The following DMBT1 variants were observed in gnomAD, a reference collection of about 807,000 sequenced individuals.
DMBT1 encodes scavenger receptor cysteine-rich domain-containing protein DMBT1.
Under a neutral mutation model 252.9 loss-of-function variants are expected in DMBT1, and 198 were observed. The ratio of observed to expected loss-of-function variants is 0.78; its 90% CI spans 0.70 to 0.88. The LOEUF (loss-of-function observed/expected upper bound fraction) is 0.88, where lower values mean the gene tolerates loss of function less well. DMBT1 is among the 40% of genes least tolerant of loss of function. The probability of loss-of-function intolerance (pLI) is 0.00; values close to 1 mark genes in which losing one functional copy is unlikely to be tolerated. For missense variants in DMBT1, 2,432 were observed against 2,404.7 expected (o/e 1.01, Z -0.24); for synonymous variants, 990 against 942.7 (o/e 1.05, Z -0.92).
intron 8 of DMBT1, among the ~76,000 whole-genome samples, chr10:122,578,070 C>T (rs556239455): frequency 6.6e-6 from 1 of 152,326 alleles, no homozygotes; most frequent in Non-Finnish European, 1.5e-5. Context: ...CATGCTGTCC[C>T]AATGAACAAC....
intron 1 of DMBT1, among the ~76,000 whole-genome samples, chr10:122,563,915 C>T (rs907359763): frequency 6.6e-6 from 1 of 152,098 alleles, no homozygotes; most frequent in Non-Finnish European, 1.5e-5. Context: ...GTTTAAATGG[C>T]CGAGTTTTGA....
In DMBT1 at chr10:122,637,234, C is replaced by T. The variant is rs1424789564; in HGVS notation, c.6864C>T (p.Tyr2288=). 5.0e-6 allele frequency: 8 copies of T among 1,613,912 alleles called. No homozygotes were observed. Among genetic ancestry groups the T allele is most frequent in the African/African-American group, 2.7e-5 (2 of 74,932 alleles). Residue 2288 remains tyrosine (Y), a synonymous_variant, in exon 54 of 56, where the codon TAC becomes TAT. Transcript: ENST00000338354. The part of the protein sequence containing the change: ...SDLVISTWNG[Y]YECRPQITPN... ...TTGTCATTTCCACCTGGAATGGATA[C>T]TACGAGTGTCGGCCCCAGATAACGC...
chr10:122,643,368 C>A lies in DMBT1; in HGVS notation c.7599C>A (p.Thr2533=). The change falls in exon 56 of 56, where the codon ACC becomes ACA. Residue 2533 remains threonine (T), a synonymous_variant. Transcript: ENST00000338354. ...TCCTGGGTCCCATCCAGCTGCAGAC[C>A]CCCCCACGCCGAGAAGAGGAGCCTC... ...DVVLGPIQLQ[T]PPRREEEPR The A allele has an allele frequency of 1.2e-6, 2 of 1,613,686 alleles. No homozygotes were observed. The highest frequency in any genetic ancestry group is 1.7e-6 in the Non-Finnish European group (2 of 1,179,758).
At chr10:122,631,648 TAATCCTGATGACCACAAGTATGACGGG>T (rs1277397762) in intron 49 of DMBT1, among the ~76,000 whole-genome samples, 180 bp from the exon 50 acceptor site, 1 of 152,128 alleles carries the variant, frequency 6.6e-6, no homozygotes, top group East Asian at 1.9e-4. Flanking sequence ...ACCTCAGCTG[TAATCCTGATGACCACAAGTATGACGGG>T]ACTTAGGGAG....
At position 122,629,821 on chromosome 10, in the gene DMBT1, T is replaced by C; in HGVS notation, c.5669-19T>C. On this transcript the variant is annotated intron_variant, in intron 46 of 55. Transcript: ENST00000338354. ...CTGAAGACCTGGTACAATGGAGATGTCCCCTCTCTCCTCTCTAGGACCCTC... is the reference window on the plus strand; with the variant it reads ...CTGAAGACCTGGTACAATGGAGATGCCCCCTCTCTCCTCTCTAGGACCCTC... 1.9e-6 allele frequency: 3 copies of C among 1,611,684 alleles called. No individual in the cohort carries two copies. The South Asian group carries it at 3.3e-5, about 18-fold the overall frequency.
chr10:122,640,735 GC>G (rs1844371831), intron 55 of DMBT1, among the ~76,000 whole-genome samples: 1 of 152,178 alleles, frequency 6.6e-6, no homozygotes, highest in South Asian at 2.1e-4. Flanking sequence ...GAACAGCTCA[GC>G]AGTGTTCACT....
At chr10:122,566,310 TTC>T (rs1186443327) in intron 2 of DMBT1, among the ~76,000 whole-genome samples, 1 of 93,848 alleles carries the variant, frequency 1.1e-5, no homozygotes, top group Admixed American at 1.3e-4. Context: ...TTCTTTTTTT[TTC>T]TTTTTCTTTT....
At chr10:122,640,505 A>C in intron 55 of DMBT1, 56 bp downstream of exon 55, 1 of 1,533,578 alleles carries the variant, frequency 6.5e-7, no homozygotes, top group Non-Finnish European at 8.7e-7. Context: ...CTCAAACATG[A>C]GTAGCCCCAA....
chr10:122,597,138 TTC>T (rs2097889399), intron 24 of DMBT1, 84 bp downstream of exon 24: 1 of 237,824 alleles, frequency 4.2e-6, no homozygotes, highest in South Asian at 1.9e-4. Context: ...GCCCTCGTTC[TTC>T]TCTGAGTGAA....
chr10:122,592,386 C>G lies in DMBT1; in HGVS notation c.2291C>G (p.Thr764Ser), dbSNP rs777817360. ...WGTVCDDSWD[T>S]NDANVVCRQL... ...ACCGTGTGTGATGACAGCTGGGATA[C>G]CAATGATGCCAATGTGGTCTGCAGG... Residue 764 changes from threonine (T) to serine (S), a missense_variant, in exon 20 of 56, where the codon ACC (threonine) becomes AGC (serine). By Grantham distance (58) the Thr-to-Ser change is moderately conservative. Around this residue, in one of 3 missense-constraint regions of DMBT1, gnomAD observed 1,264 missense variants for 1,082.2 expected, o/e 1.17. Coordinates refer to ENST00000338354, the MANE Select transcript of DMBT1 (RefSeq NM_001377530.1). 4.4e-6 allele frequency: 7 copies of G among 1,588,496 alleles called. No individual in the cohort carries two copies. The highest frequency in any genetic ancestry group is 6.0e-6 in the Non-Finnish European group (7 of 1,165,824).
intron 44 of DMBT1, among the ~76,000 whole-genome samples, chr10:122,623,841 T>C (rs2098093415): frequency 6.6e-6 from 1 of 152,214 alleles, no homozygotes. Context: ...GTGTTGTGTC[T>C]AGCATGTGAC....
In DMBT1 at chr10:122,585,330, T is replaced by A. The variant is rs1387015176; in HGVS notation, c.1459+21T>A. On this transcript the variant is annotated intron_variant, in intron 15 of 55. Transcript: ENST00000338354. ...AGTAGGTAAATAATCCTCTCGCCCCTCCCTAGGGCTCACTCTCTACCTCTG... is the reference window on the plus strand; with the variant it reads ...AGTAGGTAAATAATCCTCTCGCCCCACCCTAGGGCTCACTCTCTACCTCTG... 29 of 1,582,464 alleles carry A rather than the reference T, an allele frequency of 1.8e-5. 4 individuals are homozygous for A. Among genetic ancestry groups the A allele is most frequent in the Non-Finnish European group, 2.1e-5 (24 of 1,160,924 alleles).
intron 1 of DMBT1, among the ~76,000 whole-genome samples, chr10:122,564,565 A>T (rs2097573620): frequency 6.6e-6 from 1 of 152,210 alleles, no homozygotes; most frequent in African/African-American, 2.4e-5. Context: ...AACATAGCAG[A>T]CCTTTTTGTA....
chr10:122,572,438 G>T (rs778930021), intron 5 of DMBT1, 77 bp downstream of exon 5: 1 of 1,577,840 alleles, frequency 6.3e-7, no homozygotes, highest in East Asian at 2.2e-5. Context: ...CCCAGATGAG[G>T]TGTAGAGGAC....
chr10:122,593,072 G>A (rs2097862902), intron 20 of DMBT1, among the ~76,000 whole-genome samples: 1 of 148,866 alleles, frequency 6.7e-6, no homozygotes. Context: ...GCAAATGGGT[G>A]TCTGGTTCTA....
chr10:122,628,439 C>T (rs2098134091), intron 46 of DMBT1, among the ~76,000 whole-genome samples: 1 of 152,120 alleles, frequency 6.6e-6, no homozygotes, highest in Non-Finnish European at 1.5e-5. Context: ...ACTTCGAGAC[C>T]AGCCTGGACA....
Position 122,576,371 on chromosome 10 carries a change from G to A in DMBT1, c.284-28G>A, listed in dbSNP as rs368315981. 2.9e-5 allele frequency: 46 copies of A among 1,609,874 alleles called. No homozygotes were observed. In the African/African-American group the frequency reaches 5.6e-4, roughly 20 times the overall value. ...AGACCTTGTGCCTCAGTAGGAATGT[G>A]CAAGAGAAATTCTGTGCCTTCCTCT... On this transcript the variant is annotated intron_variant, in intron 6 of 55. Transcript: ENST00000338354.
In DMBT1 at chr10:122,643,160, C is replaced by T. The variant is rs769244065; in HGVS notation, c.7391C>T (p.Pro2464Leu). The T allele has an allele frequency of 2.5e-6, 4 of 1,613,842 alleles. No individual in the cohort carries two copies. Among genetic ancestry groups the T allele is most frequent in the African/African-American group, 2.7e-5 (2 of 74,900 alleles). Residue 2464 changes from proline to leucine, a missense_variant, in exon 56 of 56, where the codon CCA (proline) becomes CTA (leucine). Transcript: ENST00000338354. ...GACACCTACGGACCCTACTCCTCGC[C>T]ATCTCTTCGCATTGCCCGCTTCCGG... Reference protein sequence around the residue: ...RDDTYGPYSSPSLRIARFRFR... With the variant: ...RDDTYGPYSSLSLRIARFRFR...
chr10:122,631,375 C>T, intron 49 of DMBT1, 94 bp downstream of exon 49: 1 of 1,481,956 alleles, frequency 6.7e-7, no homozygotes, highest in East Asian at 2.3e-5. Flanking sequence ...GTGGCCCAGG[C>T]AGGAGCTGGT....
Sources: gnomAD v4.1 joint callset for allele counts (sites outside exome capture counted in the v4.1 genomes callset) on GRCh38, gnomAD v4.1.1 for gene constraint, gnomAD v4.1.1 regional missense constraint, MANE v1.5 for transcripts, NCBI Gene and HGNC (gene_info 2026-07-23, HGNC 2026-07-21) for gene names.